FNDC3A: variants seen among roughly 807,000 people sequenced by gnomAD.
FNDC3A encodes the protein fibronectin type III domain containing 3A.
FNDC3A carries 32 observed loss-of-function variants against 148.9 expected under a neutral mutation model. The observed-to-expected ratio is 0.21, with a 90% CI of 0.16 to 0.29. FNDC3A has a LOEUF of 0.29. Among genes scored for constraint, FNDC3A ranks in the 10% least tolerant of loss-of-function variants. The probability of loss-of-function intolerance (pLI) is 1.00; values close to 1 mark genes in which losing one functional copy is unlikely to be tolerated. For synonymous variants in FNDC3A, 472 were observed against 473.6 expected, an observed-to-expected ratio of 1.00 and a Z score of 0.04; for missense variants, 1,191 against 1,452.8, an observed-to-expected ratio of 0.82 and a Z score of 2.93.
intron 8 of FNDC3A, among the ~76,000 whole-genome samples, chr13:49,153,838 G>A (rs1270740926): frequency 8.8e-6 from 1 of 113,866 alleles, no homozygotes; most frequent in African/African-American, 3.5e-5. Flanking sequence ...TAGATATGCG[G>A]CGTTATTTCT....
intron 2 of FNDC3A, among the ~76,000 whole-genome samples, chr13:49,068,375 T>A (rs80281903): frequency 0.15 from 22,667 of 149,188 alleles, 2,199 homozygotes; most frequent in Non-Finnish European, 0.21. Flanking sequence ...AAAAATAAAT[T>A]AATTAATTAA....
chr13:49,075,429 A>T, intron 3 of FNDC3A, 65 bp downstream of exon 3: 2 of 865,904 alleles, frequency 2.3e-6, no homozygotes, highest in Non-Finnish European at 3.9e-6. Context: ...ATGATACATA[A>T]TAGTGTATAT....
At chr13:49,094,612 G>A (rs1231018138) in intron 3 of FNDC3A, among the ~76,000 whole-genome samples, 1 of 152,044 alleles carries the variant, frequency 6.6e-6, no homozygotes, top group East Asian at 1.9e-4. Flanking sequence ...AAGCAACATA[G>A]ACTGTATCCC....
intron 2 of FNDC3A, among the ~76,000 whole-genome samples, chr13:49,032,399 A>G (rs955696785): frequency 6.6e-6 from 1 of 152,256 alleles, no homozygotes; most frequent in African/African-American, 2.4e-5. Flanking sequence ...AGAAATGGAT[A>G]AACAAAATAT....
chr13:49,202,732 G>A (rs1886477513), intron 24 of FNDC3A, among the ~76,000 whole-genome samples: 1 of 152,200 alleles, frequency 6.6e-6, no homozygotes, highest in Non-Finnish European at 1.5e-5. Context: ...GCAGGGCACA[G>A]TGGCTCACAC....
At chr13:49,206,376 C>G (rs1025552945) in intron 25 of FNDC3A, among the ~76,000 whole-genome samples, 2 of 151,972 alleles carry the variant, frequency 1.3e-5, no homozygotes, top group African/African-American at 4.8e-5. Context: ...GAACACTAAG[C>G]TTGTGGTAGT....
At chr13:49,083,742 C>CG (rs1878630349) in intron 3 of FNDC3A, among the ~76,000 whole-genome samples, 1 of 152,110 alleles carries the variant, frequency 6.6e-6, no homozygotes, top group Admixed American at 6.5e-5. Context: ...GATTTTGACA[C>CG]GGGGAAGAAC....
At chr13:49,100,731 A>G (rs1249891651) in intron 3 of FNDC3A, among the ~76,000 whole-genome samples, 5 of 152,118 alleles carry the variant, frequency 3.3e-5, no homozygotes, top group African/African-American at 1.2e-4. Context: ...GAGTCCCCAG[A>G]ATTTGTTTTG....
intron 2 of FNDC3A, among the ~76,000 whole-genome samples, chr13:49,025,914 T>C (rs1021887366): frequency 6.6e-6 from 1 of 152,192 alleles, no homozygotes; most frequent in African/African-American, 2.4e-5. Context: ...CCAACACATA[T>C]ATACTTCTAA....
chr13:49,040,003 C>G (rs1310692943), intron 2 of FNDC3A, among the ~76,000 whole-genome samples: 1 of 152,126 alleles, frequency 6.6e-6, no homozygotes, highest in Non-Finnish European at 1.5e-5. Flanking sequence ...CGTGAGCCAC[C>G]GTGCTGGCCC....
chr13:49,040,343 C>T (rs1273119402), intron 2 of FNDC3A, among the ~76,000 whole-genome samples: 2 of 152,194 alleles, frequency 1.3e-5, no homozygotes, highest in Non-Finnish European at 1.5e-5. Flanking sequence ...CAATTGCCTA[C>T]TCACCCATTA....
At chr13:49,142,153 TA>T in intron 7 of FNDC3A, among the ~76,000 whole-genome samples, 1 of 152,348 alleles carries the variant, frequency 6.6e-6, no homozygotes, top group Middle Eastern at 3.4e-3. Flanking sequence ...TCCTAATTAC[TA>T]ATCTGTTCAT....
chr13:49,153,525 A>C (rs1027696727), intron 8 of FNDC3A, among the ~76,000 whole-genome samples: 4 of 152,228 alleles, frequency 2.6e-5, no homozygotes, highest in African/African-American at 9.6e-5. Flanking sequence ...TAGTTTAATT[A>C]GATCCCATTT....
chr13:49,191,367 G>T lies in FNDC3A; in HGVS notation c.2209G>T (p.Ala737Ser). ...AAAGACATACAGCTTCAGACTACGTGCAGCTAACAAAATGGGGGTAAGAAG... is the reference window on the plus strand; with the variant it reads ...AAAGACATACAGCTTCAGACTACGTTCAGCTAACAAAATGGGGGTAAGAAG... ...PGKTYSFRLRAANKMGFGPFS... is the reference protein window; with the variant it reads ...PGKTYSFRLRSANKMGFGPFS... Residue 737 changes from alanine (A) to serine (S), a missense_variant, in exon 19 of 26, where the codon GCA becomes TCA. This residue lies in a region of FNDC3A where 751 missense variants were observed against 944.0 expected (regional missense o/e 0.80). Coordinates refer to ENST00000492622, the MANE Select transcript of FNDC3A (RefSeq NM_001079673.2). 1 of 1,594,852 alleles carries T rather than the reference G, an allele frequency of 6.3e-7. No homozygotes were observed.
intron 2 of FNDC3A, among the ~76,000 whole-genome samples, chr13:49,021,066 GA>G (rs985421861): frequency 4.6e-5 from 7 of 152,038 alleles, no homozygotes; most frequent in African/African-American, 1.7e-4. Flanking sequence ...TTTGATATGG[GA>G]AAAAAATGTT....
chr13:49,118,692 G>A (rs1881128150), intron 4 of FNDC3A, among the ~76,000 whole-genome samples: 1 of 152,166 alleles, frequency 6.6e-6, no homozygotes, highest in Admixed American at 6.5e-5. Flanking sequence ...CCATTACTGA[G>A]GCTTGAGTAG....
chr13:49,094,234 C>T (rs1879377859), intron 3 of FNDC3A, among the ~76,000 whole-genome samples: 1 of 151,902 alleles, frequency 6.6e-6, no homozygotes, highest in Non-Finnish European at 1.5e-5. Context: ...GAGTTAATAA[C>T]AATAGGCGTA....
chr13:49,187,495 T>C, intron 16 of FNDC3A: 1 of 1,560,234 alleles, frequency 6.4e-7, no homozygotes, highest in South Asian at 1.1e-5. Context: ...TTTAAGTAGT[T>C]GTTGTCTTAC....
intron 3 of FNDC3A, among the ~76,000 whole-genome samples, chr13:49,100,347 G>T (rs951575330): frequency 6.6e-6 from 1 of 152,032 alleles, no homozygotes; most frequent in South Asian, 2.1e-4. Flanking sequence ...ATTGGATGAT[G>T]ATAATATAAT....
Sources: gnomAD v4.1 joint callset for allele counts (sites outside exome capture counted in the v4.1 genomes callset) on GRCh38, gnomAD v4.1.1 for gene constraint, gnomAD v4.1.1 regional missense constraint, MANE v1.5 for transcripts, NCBI Gene and HGNC (gene_info 2026-07-23, HGNC 2026-07-21) for gene names.